The following MAP2K1 variants were observed in gnomAD, a reference collection of about 807,000 sequenced individuals.
MAP2K1 encodes the protein mitogen-activated protein kinase kinase 1.
Under a neutral mutation model 46.3 loss-of-function variants are expected in MAP2K1, and 16 were observed. That is an observed-to-expected ratio of 0.35 (90% CI 0.23 to 0.52). The LOEUF is 0.52. Among genes scored for constraint, MAP2K1 ranks in the 20% least tolerant of loss-of-function variants. MAP2K1 has a pLI of 0.94. For missense variants in MAP2K1, 263 were observed against 497.1 expected, an observed-to-expected ratio of 0.53 and a Z score of 4.48; for synonymous variants, 183 against 185.6, an observed-to-expected ratio of 0.99 and a Z score of 0.11.
At chr15:66,474,244 A>T (rs188635679) in intron 5 of MAP2K1, among the ~76,000 whole-genome samples, 1 of 152,240 alleles carries the variant, frequency 6.6e-6, no homozygotes, top group East Asian at 1.9e-4. Context: ...TGAGGGAGAT[A>T]AAAATAGTTG....
At chr15:66,426,407 G>C (rs1025181211) in intron 1 of MAP2K1, among the ~76,000 whole-genome samples, 1 of 145,208 alleles carries the variant, frequency 6.9e-6, no homozygotes, top group African/African-American at 2.5e-5. Flanking sequence ...GTCGCAACAA[G>C]AAAATTCAAC....
Position 66,481,748 on chromosome 15 carries a change from C to G in MAP2K1, c.569-7C>G, listed in dbSNP as rs770946678. ...TTCCCTCCTTTTCTATTTTCTCTTC[C>G]CTGCAGATGTCAAGCCCTCCAACAT... On this transcript the variant is annotated splice_region_variant and splice_polypyrimidine_tract_variant and intron_variant, in intron 5 of 10. Transcript: ENST00000307102. The G allele has an allele frequency of 6.2e-7, 1 of 1,611,934 alleles. No homozygotes were observed. The highest frequency in any genetic ancestry group is 1.1e-5 in the South Asian group (1 of 91,012).
Position 66,480,593 on chromosome 15 carries a change from A to G in MAP2K1, c.569-1162A>G, listed in dbSNP as rs1892890472. ...TCTAAAAAAAAATAATAATAAATGCATTCATATAACAGTATCGAAGAGAAA... is the reference window on the plus strand; with the variant it reads ...TCTAAAAAAAAATAATAATAAATGCGTTCATATAACAGTATCGAAGAGAAA... On this transcript the variant is annotated intron_variant, in intron 5 of 10. Coordinates refer to ENST00000307102, the MANE Select transcript of MAP2K1 (RefSeq NM_002755.4). 2.0e-5 allele frequency among the ~76,000 whole-genome samples: 3 copies of G among 152,270 alleles called. No individual in the cohort carries two copies. The South Asian group carries it at 6.2e-4, about 32-fold the overall frequency.
chr15:66,485,966 A>G (rs1893029805), intron 7 of MAP2K1, among the ~76,000 whole-genome samples: 1 of 151,906 alleles, frequency 6.6e-6, no homozygotes, highest in Non-Finnish European at 1.5e-5. Context: ...TGGCGCCATC[A>G]TGGCTTACTG....
At chr15:66,452,464 A>G (rs1360454311) in intron 5 of MAP2K1, among the ~76,000 whole-genome samples, 4 of 152,166 alleles carry the variant, frequency 2.6e-5, no homozygotes, top group Admixed American at 1.3e-4. Flanking sequence ...GTGGCTTCTT[A>G]AGACCTCTGA....
At chr15:66,415,761 A>G (rs976875279) in intron 1 of MAP2K1, among the ~76,000 whole-genome samples, 1 of 152,130 alleles carries the variant, frequency 6.6e-6, no homozygotes, top group Non-Finnish European at 1.5e-5. Flanking sequence ...TTATAATTCC[A>G]TTTTCGTTAA....
In MAP2K1 at chr15:66,469,665, C is replaced by A. The variant is rs540297855; in HGVS notation, c.569-12090C>A. On this transcript the variant is annotated intron_variant, in intron 5 of 10. Coordinates refer to ENST00000307102, the MANE Select transcript of MAP2K1 (RefSeq NM_002755.4). The stretch of plus-strand genomic sequence containing the variant: ...GACAGGGTCCTAGACAGAGAAAAAA[C>A]AAACCCAAAACATAAAATCCTTTTA... Among the ~76,000 whole-genome samples, 3 of 121,454 alleles carry A rather than the reference C, an allele frequency of 2.5e-5. No individual in the cohort carries two copies. The South Asian group carries it at 7.7e-4, about 31-fold the overall frequency. 79.7% of individuals were successfully genotyped at this position (121,454 alleles called of 152,430 possible). A position where few individuals can be genotyped will look rare whatever the true frequency, so the allele number is the denominator to read the frequency against.
chr15:66,388,767 G>C (rs1032138632), intron 1 of MAP2K1, among the ~76,000 whole-genome samples: 1 of 152,052 alleles, frequency 6.6e-6, no homozygotes, highest in African/African-American at 2.4e-5. Flanking sequence ...CCTGTGGTGT[G>C]TGTTCAGCTG....
chr15:66,460,914 TGTG>T (rs1283118411), intron 5 of MAP2K1, among the ~76,000 whole-genome samples: 1 of 151,766 alleles, frequency 6.6e-6, no homozygotes, highest in East Asian at 1.9e-4. Flanking sequence ...CTGGGGTGGT[TGTG>T]GTGGGAAGGA....
At chr15:66,478,545 C>G (rs1223496077) in intron 5 of MAP2K1, among the ~76,000 whole-genome samples, 1 of 149,658 alleles carries the variant, frequency 6.7e-6, no homozygotes, top group Non-Finnish European at 1.5e-5. Context: ...TTTGCCCAGG[C>G]TGGAGTGCAG....
chr15:66,455,675 C>T (rs1000566436), intron 5 of MAP2K1, among the ~76,000 whole-genome samples: 1 of 152,188 alleles, frequency 6.6e-6, no homozygotes, highest in African/African-American at 2.4e-5. Flanking sequence ...AGTTTTCCTA[C>T]ATTTCTAATG....
intron 1 of MAP2K1, among the ~76,000 whole-genome samples, chr15:66,424,083 G>A (rs1319682473): frequency 6.9e-6 from 1 of 145,682 alleles, no homozygotes; most frequent in Non-Finnish European, 1.5e-5. Flanking sequence ...TTGAGGTGGA[G>A]TTTTTCTTTT....
chr15:66,439,707 G>A (rs1364570324), intron 3 of MAP2K1, among the ~76,000 whole-genome samples: 3 of 152,010 alleles, frequency 2.0e-5, no homozygotes, highest in Non-Finnish European at 4.4e-5. Context: ...TGGAGGTTGT[G>A]GTGAGCTGAG....
chr15:66,448,683 T>C lies in MAP2K1; in HGVS notation c.568+3976T>C, dbSNP rs541739406. 2.0e-4 allele frequency among the ~76,000 whole-genome samples: 31 copies of C among 152,260 alleles called. No individual in the cohort carries two copies. The East Asian group carries it at 5.8e-3, about 28-fold the overall frequency. On this transcript the variant is annotated intron_variant, in intron 5 of 10. Transcript: ENST00000307102. ...TTTTGTGCATCTATTAATTTCAACC[T>C]GGGCCACCAAACTGCATTGTTAAGA...
At chr15:66,429,933 CTTA>C (rs2093470876) in intron 1 of MAP2K1, among the ~76,000 whole-genome samples, 1 of 152,142 alleles carries the variant, frequency 6.6e-6, no homozygotes, top group African/African-American at 2.4e-5. Context: ...CGCCCCCGTT[CTTA>C]TTCTGTACCT....
At chr15:66,457,378 C>T (rs1328862863) in intron 5 of MAP2K1, among the ~76,000 whole-genome samples, 1 of 152,174 alleles carries the variant, frequency 6.6e-6, no homozygotes. Context: ...CCTTGGCTTC[C>T]CAAAGTGCTG....
At chr15:66,449,003 C>CAAAAAAAAAAAAAAAA (rs59398424) in intron 5 of MAP2K1, among the ~76,000 whole-genome samples, 1 of 47,948 alleles carries the variant, frequency 2.1e-5, no homozygotes, top group Non-Finnish European at 3.6e-5. Flanking sequence ...GACACTGTCT[C>CAAAAAAAAAAAAAAAA]AAAAAAAAAA....
At chr15:66,417,625 C>T (rs2093427745) in intron 1 of MAP2K1, among the ~76,000 whole-genome samples, 1 of 152,258 alleles carries the variant, frequency 6.6e-6, no homozygotes, top group South Asian at 2.1e-4. Flanking sequence ...GACTTCCAGT[C>T]CTGATCCTGA....
chr15:66,436,906 T>C lies in MAP2K1; in HGVS notation c.438+14T>C, dbSNP rs2140584527. ...ATGGAGCACATGGTATGTGACACCCTCTCAGCCTCTGGAGCAATGGCCTTA... is the reference window on the plus strand; with the variant it reads ...ATGGAGCACATGGTATGTGACACCCCCTCAGCCTCTGGAGCAATGGCCTTA... On this transcript the variant is annotated intron_variant, in intron 3 of 10. Coordinates refer to ENST00000307102, the MANE Select transcript of MAP2K1 (RefSeq NM_002755.4). 1 of 1,613,902 alleles carries C rather than the reference T, an allele frequency of 6.2e-7. No individual in the cohort carries two copies. The highest frequency in any genetic ancestry group is 8.5e-7 in the Non-Finnish European group (1 of 1,179,884).
Sources: allele counts gnomAD v4.1 joint callset (sites outside exome capture counted in the v4.1 genomes callset), GRCh38; gene constraint gnomAD v4.1.1; transcripts MANE v1.5; gene names NCBI Gene and HGNC (gene_info 2026-07-23, HGNC 2026-07-21).